The following ARMC3 variants were observed in gnomAD, a reference collection of about 807,000 sequenced individuals.
ARMC3 encodes the protein armadillo repeat containing 3.
A neutral mutation model predicts 90.3 loss-of-function variants in ARMC3; 74 were observed. The ratio of observed to expected loss-of-function variants is 0.82; its 90% CI spans 0.68 to 0.99. The LOEUF is 0.99. Ranked by LOEUF, ARMC3 falls within the 50% of genes least tolerant of loss-of-function variation. The probability of loss-of-function intolerance (pLI) is 0.00; values close to 1 mark genes in which losing one functional copy is unlikely to be tolerated. For missense variants in ARMC3, 958 were observed against 1,042.8 expected (o/e 0.92, Z 1.12); for synonymous variants, 334 against 361.8 (o/e 0.92, Z 0.87).
At chr10:22,964,171 A>C (rs1019724877) in intron 7 of ARMC3, among the ~76,000 whole-genome samples, 1 of 152,114 alleles carries the variant, frequency 6.6e-6, no homozygotes, top group Admixed American at 6.6e-5. Context: ...ATACCTTCCT[A>C]AAATATGAAC....
chr10:23,024,163 G>A (rs545889126), intron 16 of ARMC3, among the ~76,000 whole-genome samples: 11 of 152,262 alleles, frequency 7.2e-5, no homozygotes, highest in Admixed American at 6.5e-4. Context: ...GAAGCCAGGT[G>A]GAAGTGGCAT....
intron 18 of ARMC3, 49 bp downstream of exon 18, chr10:23,033,072 C>A (rs765979350): frequency 1.3e-6 from 2 of 1,578,020 alleles, no homozygotes; most frequent in East Asian, 2.3e-5. Flanking sequence ...AATGCTTTGT[C>A]TTTATCATAC....
chr10:23,011,355 T>C (rs1838005659), intron 16 of ARMC3, among the ~76,000 whole-genome samples: 1 of 152,192 alleles, frequency 6.6e-6, no homozygotes, highest in Non-Finnish European at 1.5e-5. Flanking sequence ...TCTGTAAAAC[T>C]GAAATAAAAA....
At chr10:22,963,383 T>G (rs925892305) in intron 7 of ARMC3, among the ~76,000 whole-genome samples, 1 of 152,114 alleles carries the variant, frequency 6.6e-6, no homozygotes, top group Non-Finnish European at 1.5e-5. Flanking sequence ...GAAGGGTTTT[T>G]TAAGAACTGG....
At chr10:23,032,194 C>T (rs1838946717) in intron 17 of ARMC3, among the ~76,000 whole-genome samples, 1 of 152,180 alleles carries the variant, frequency 6.6e-6, no homozygotes, top group Admixed American at 6.5e-5. Context: ...CTGACTTCTT[C>T]AGTGACAGCC....
intron 8 of ARMC3, among the ~76,000 whole-genome samples, chr10:22,971,588 G>A (rs767665591): frequency 2.0e-5 from 3 of 151,464 alleles, no homozygotes; most frequent in East Asian, 1.9e-4. Context: ...CTACAGGCAC[G>A]CACCACCACA....
intron 6 of ARMC3, chr10:22,960,941 A>T (rs1042348704): frequency 6.6e-6 from 1 of 152,196 alleles, no homozygotes; most frequent in Non-Finnish European, 1.5e-5. Flanking sequence ...TCCTAAGGAC[A>T]CTAATTGCAC....
At chr10:22,963,845 G>A (rs1408822630) in intron 7 of ARMC3, among the ~76,000 whole-genome samples, 2 of 134,606 alleles carry the variant, frequency 1.5e-5, no homozygotes, top group Non-Finnish European at 3.1e-5. Context: ...AGCTGAGATC[G>A]CACCACTGCA....
intron 16 of ARMC3, among the ~76,000 whole-genome samples, chr10:23,013,135 G>A (rs1452276919): frequency 6.6e-6 from 1 of 152,070 alleles, no homozygotes; most frequent in African/African-American, 2.4e-5. Flanking sequence ...CTGGCCTCAC[G>A]TGATCTGCCT....
Position 23,003,391 on chromosome 10 carries a change from G to T in ARMC3, c.1708G>T (p.Asp570Tyr). 4 of 1,609,108 alleles carry T rather than the reference G, an allele frequency of 2.5e-6. No individual in the cohort carries two copies. The highest frequency in any genetic ancestry group is 3.4e-6 in the Non-Finnish European group (4 of 1,177,852). The change falls in exon 13 of 19, where the codon GAT becomes TAT. Residue 570 changes from aspartate to tyrosine, a missense_variant. Transcript: ENST00000298032. Reference sequence around the variant, plus strand: ...TTTGTCATCAAGTAACATAATTAACGATGGATTCTATGATTATGGTCGGGT... The same window carrying T: ...TTTGTCATCAAGTAACATAATTAACTATGGATTCTATGATTATGGTCGGGT... ...GYLSSSNIIN[D>Y]GFYDYGRINP...
intron 2 of ARMC3, among the ~76,000 whole-genome samples, chr10:22,936,789 T>C (rs890521344): frequency 6.6e-6 from 1 of 152,194 alleles, no homozygotes; most frequent in Admixed American, 6.5e-5. Context: ...GAGAAACAAA[T>C]GTCATGCCAA....
intron 2 of ARMC3, 119 bp from the exon 3 acceptor site, chr10:22,946,025 G>C: frequency 1.6e-6 from 1 of 644,906 alleles, no homozygotes; most frequent in Non-Finnish European, 2.6e-6. Flanking sequence ...GCACTTATTG[G>C]GCAGTGACCA....
At chr10:23,014,780 A>G (rs986702960) in intron 16 of ARMC3, among the ~76,000 whole-genome samples, 1 of 151,832 alleles carries the variant, frequency 6.6e-6, no homozygotes, top group Non-Finnish European at 1.5e-5. Flanking sequence ...GAGGGGAACA[A>G]CAACACACAC....
chr10:22,996,887 C>A (rs12249351), intron 10 of ARMC3, among the ~76,000 whole-genome samples: 4,901 of 151,560 alleles, frequency 0.032, 266 homozygotes, highest in African/African-American at 0.11. Context: ...AATTCATCAC[C>A]ATACAGGATG....
intron 1 of ARMC3, among the ~76,000 whole-genome samples, chr10:22,931,333 G>C (rs1833923035): frequency 6.6e-6 from 1 of 152,158 alleles, no homozygotes; most frequent in Non-Finnish European, 1.5e-5. Context: ...ATGAGGACAA[G>C]TGGAAAGGAA....
At position 22,956,924 on chromosome 10, in the gene ARMC3, G is replaced by A. The variant is rs114426272; in HGVS notation, c.292+992G>A. Among the ~76,000 whole-genome samples the A allele has an allele frequency of 2.5e-3, 374 of 151,746 alleles. 1 individual carries two copies. The highest frequency in any genetic ancestry group is 8.8e-3 in the African/African-American group (363 of 41,392). ...CAGTTTGAACACCATGCCAATAAAC[G>A]CAGTCTCTGACTTATGAACAGGATA... On this transcript the variant is annotated intron_variant, in intron 4 of 18. Transcript: ENST00000298032.
At chr10:23,032,718 G>A in intron 17 of ARMC3, 143 bp from the exon 18 acceptor site, 1 of 804,222 alleles carries the variant, frequency 1.2e-6, no homozygotes, top group Admixed American at 3.0e-5. Flanking sequence ...AACTATTTAT[G>A]GTTAGTACTT....
At chr10:22,981,289 C>G (rs1046129418) in intron 8 of ARMC3, 51 bp from the exon 9 acceptor site, 5 of 1,486,276 alleles carry the variant, frequency 3.4e-6, no homozygotes, top group South Asian at 1.3e-5. Flanking sequence ...AGTAATACTT[C>G]GCAGTTTTTG....
chr10:23,028,617 G>A (rs181690615), intron 16 of ARMC3, among the ~76,000 whole-genome samples: 25 of 152,324 alleles, frequency 1.6e-4, no homozygotes, highest in Non-Finnish European at 3.4e-4. Context: ...AATTGACTAA[G>A]TTGAGTTCAG....
Sources: gnomAD v4.1 joint callset for allele counts (sites outside exome capture counted in the v4.1 genomes callset) on GRCh38, gnomAD v4.1.1 for gene constraint, MANE v1.5 for transcripts, NCBI Gene and HGNC (gene_info 2026-07-23, HGNC 2026-07-21) for gene names.